EYS: variants seen among roughly 807,000 people sequenced by gnomAD.
EYS encodes the protein protein eyes shut homolog.
A neutral mutation model predicts 282.1 loss-of-function variants in EYS; 250 were observed. The ratio of observed to expected loss-of-function variants is 0.89; its 90% CI spans 0.80 to 0.98. The LOEUF is 0.98. EYS is among the 50% of genes least tolerant of loss of function. The probability of loss-of-function intolerance (pLI) is 0.00; values close to 1 mark genes in which losing one functional copy is unlikely to be tolerated. For synonymous variants in EYS, 1,355 were observed against 1,282.9 expected, an observed-to-expected ratio of 1.06 and a Z score of -1.20; for missense variants, 4,016 against 3,709.0, an observed-to-expected ratio of 1.08 and a Z score of -2.15.
intron 15 of EYS, among the ~76,000 whole-genome samples, chr6:64,922,017 A>G (rs776348124): frequency 2.0e-5 from 3 of 152,228 alleles, no homozygotes; most frequent in Non-Finnish European, 2.9e-5. Context: ...CCAATTTTCC[A>G]TCAAAGAGTG....
At chr6:64,986,394 T>G (rs1435135165) in intron 14 of EYS, among the ~76,000 whole-genome samples, 1 of 151,500 alleles carries the variant, frequency 6.6e-6, no homozygotes, top group East Asian at 1.9e-4. Context: ...GAAAGGTGAA[T>G]GAAAAGGCAG....
intron 9 of EYS, among the ~76,000 whole-genome samples, chr6:65,346,417 C>A (rs6455037): frequency 0.61 from 78,375 of 129,348 alleles, 21,604 homozygotes; most frequent in South Asian, 0.64. Flanking sequence ...AAAAAAAAAA[C>A]AAAAAACAAT....
intron 12 of EYS, among the ~76,000 whole-genome samples, chr6:65,142,257 AG>A (rs1214636199): frequency 6.6e-6 from 1 of 152,036 alleles, no homozygotes; most frequent in Non-Finnish European, 1.5e-5. Flanking sequence ...TTGAAGCAAA[AG>A]CTTAAAATTA....
At chr6:63,945,506 T>C (rs1305701083) in intron 35 of EYS, among the ~76,000 whole-genome samples, 8 of 152,204 alleles carry the variant, frequency 5.3e-5, no homozygotes, top group Non-Finnish European at 2.9e-5. Context: ...GGGAGGTTAA[T>C]GGCAAAATAT....
At chr6:65,234,826 T>G (rs73441389) in intron 12 of EYS, among the ~76,000 whole-genome samples, 4,967 of 152,252 alleles carry the variant, frequency 0.033, 109 homozygotes, top group African/African-American at 0.057. Context: ...TTAATTGAAT[T>G]TCCAGGATTT....
At position 63,762,470 on chromosome 6, in the gene EYS, A is replaced by C; in HGVS notation, c.8062T>G (p.Cys2688Gly). The C allele has an allele frequency of 6.5e-7, 1 of 1,550,026 alleles. No individual in the cohort carries two copies. Among genetic ancestry groups the C allele is most frequent in the Non-Finnish European group, 8.7e-7 (1 of 1,145,812 alleles). ...FCPLGTTGIYCEQALSISDPS... is the reference protein window; with the variant it reads ...FCPLGTTGIYGEQALSISDPS... ...TGAAATTCTGCCTCACCTTGTTCAC[A>C]GTAGATTCCAGTGGTTCCTAGAGGA... Residue 2688 changes from cysteine (C) to glycine (G), a missense_variant, in exon 41 of 43, where the codon TGT becomes GGT. Physicochemically the swap from Cys to Gly is radical, Grantham distance 159 (BLOSUM62 -3). Transcript: ENST00000503581.
In EYS at chr6:63,789,119, TTGAGGGGCTCGCTCCTGATGCTTGCTA is replaced by T; in HGVS notation, c.7490_7516del (p.Ile2497_Leu2505del). 1.3e-6 allele frequency: 2 copies of T among 1,551,684 alleles called. No homozygotes were observed. Among genetic ancestry groups the T allele is most frequent in the Non-Finnish European group, 1.7e-6 (2 of 1,146,946 alleles). On this transcript the variant is annotated inframe_deletion, in exon 38 of 43. Coordinates refer to ENST00000503581, the MANE Select transcript of EYS (RefSeq NM_001142800.2). ...AACAGTGTGGACTCCAAGGCTCAGA[TTGAGGGGCTCGCTCCTGATGCTTGCTA>T]TGCCAGACCCCAGGTTATAACTATA...
At chr6:65,599,043 C>A (rs1193900324) in intron 2 of EYS, among the ~76,000 whole-genome samples, 1 of 151,998 alleles carries the variant, frequency 6.6e-6, no homozygotes, top group East Asian at 1.9e-4. Context: ...TCAGGACTGC[C>A]CGCATATACC....
At chr6:64,967,973 C>T (rs1770153733) in intron 14 of EYS, among the ~76,000 whole-genome samples, 1 of 152,086 alleles carries the variant, frequency 6.6e-6, no homozygotes, top group African/African-American at 2.4e-5. Context: ...AGTCCCAAAG[C>T]CTAGAACTCA....
At chr6:64,481,274 G>GTATATATATA (rs61390164) in intron 26 of EYS, among the ~76,000 whole-genome samples, 4 of 140,626 alleles carry the variant, frequency 2.8e-5, no homozygotes, top group Non-Finnish European at 4.7e-5. Flanking sequence ...GTGTGTGTGT[G>GTATATATATA]TATATATATA....
chr6:63,802,465 T>TAAA (rs544584332), intron 37 of EYS, among the ~76,000 whole-genome samples: 3 of 144,922 alleles, frequency 2.1e-5, no homozygotes, highest in African/African-American at 7.6e-5. Flanking sequence ...AAAGTAAAAT[T>TAAA]AAAAAAAAAA....
At chr6:64,066,901 A>G (rs925202489) in intron 32 of EYS, among the ~76,000 whole-genome samples, 1 of 152,078 alleles carries the variant, frequency 6.6e-6, no homozygotes, top group Non-Finnish European at 1.5e-5. Context: ...ATTGAATCTA[A>G]TGTTTAAATT....
chr6:63,876,930 A>G (rs532808994), intron 35 of EYS, among the ~76,000 whole-genome samples: 2 of 152,210 alleles, frequency 1.3e-5, no homozygotes, highest in Admixed American at 6.5e-5. Context: ...CCAATTTGCT[A>G]GTCTGTGTCT....
chr6:65,248,640 A>C (rs1207035020), intron 12 of EYS, among the ~76,000 whole-genome samples: 1 of 152,098 alleles, frequency 6.6e-6, no homozygotes, highest in Non-Finnish European at 1.5e-5. Context: ...ATAAAAGAAA[A>C]AATGAAAAAA....
chr6:65,369,639 A>G (rs2150340429), intron 8 of EYS, among the ~76,000 whole-genome samples: 1 of 151,356 alleles, frequency 6.6e-6, no homozygotes, highest in East Asian at 1.9e-4. Flanking sequence ...CTAAGGAAGA[A>G]TTTTTCAACC....
intron 8 of EYS, among the ~76,000 whole-genome samples, chr6:65,354,416 G>C (rs917842211): frequency 1.3e-5 from 2 of 151,948 alleles, no homozygotes; most frequent in African/African-American, 4.8e-5. Flanking sequence ...ACTACACTAA[G>C]TAAGCATTGT....
chr6:64,566,239 A>C (rs1765564270), intron 26 of EYS, among the ~76,000 whole-genome samples: 1 of 152,208 alleles, frequency 6.6e-6, no homozygotes, highest in South Asian at 2.1e-4. Context: ...AATGGAACAA[A>C]GTATACTATC....
chr6:65,322,084 T>C (rs954276594), intron 11 of EYS, among the ~76,000 whole-genome samples: 5 of 152,204 alleles, frequency 3.3e-5, no homozygotes, highest in South Asian at 2.1e-4. Flanking sequence ...GCCTAATTAA[T>C]GTGCTACACT....
intron 36 of EYS, among the ~76,000 whole-genome samples, chr6:63,812,536 C>T (rs962583600): frequency 1.3e-5 from 2 of 152,162 alleles, no homozygotes; most frequent in African/African-American, 4.8e-5. Context: ...TTTCTCCCCA[C>T]TCAGATTGCA....
Sources: gnomAD v4.1 joint callset for allele counts (sites outside exome capture counted in the v4.1 genomes callset) on GRCh38, gnomAD v4.1.1 for gene constraint, MANE v1.5 for transcripts, NCBI Gene and HGNC (gene_info 2026-07-23, HGNC 2026-07-21) for gene names.